The following PPFIA2 variants were observed in gnomAD, a reference collection of about 807,000 sequenced individuals.
PPFIA2 encodes the protein liprin-alpha-2.
In PPFIA2, 46 loss-of-function variants were observed where a neutral mutation model predicts 175.5. The ratio of observed to expected loss-of-function variants is 0.26; its 90% CI spans 0.21 to 0.34. The LOEUF is 0.34. Among genes scored for constraint, PPFIA2 ranks in the 10% least tolerant of loss-of-function variants. The pLI is 1.00. For synonymous variants in PPFIA2, 568 were observed against 511.4 expected, an observed-to-expected ratio of 1.11 and a Z score of -1.49; for missense variants, 1,179 against 1,506.1, an observed-to-expected ratio of 0.78 and a Z score of 3.60.
chr12:81,444,930 A>G (rs2050934238), intron 6 of PPFIA2, among the ~76,000 whole-genome samples: 1 of 152,080 alleles, frequency 6.6e-6, no homozygotes. Flanking sequence ...ATATTGGTTT[A>G]TATATGTCAG....
chr12:81,439,492 T>C (rs1242138384), intron 7 of PPFIA2, among the ~76,000 whole-genome samples: 2 of 151,924 alleles, frequency 1.3e-5, no homozygotes, highest in Non-Finnish European at 2.9e-5. Context: ...TGAAAAAACT[T>C]TTTTGGGGGT....
chr12:81,580,184 G>C (rs961892035), intron 4 of PPFIA2, among the ~76,000 whole-genome samples: 1 of 151,758 alleles, frequency 6.6e-6, no homozygotes, highest in African/African-American at 2.4e-5. Flanking sequence ...TTTTGCATTC[G>C]TGCATGTCAA....
Position 81,642,707 on chromosome 12 carries a change from T to TATATATTATATACATA in PPFIA2, c.303+34083_303+34084insTATGTATATAATATAT. Among the ~76,000 whole-genome samples, 10 of 69,842 alleles carry TATATATTATATACATA rather than the reference T, an allele frequency of 1.4e-4. 1 individual carries two copies. The highest frequency in any genetic ancestry group is 2.1e-4 in the Non-Finnish European group (6 of 28,098). The allele number at this position is 69,842 out of a possible 152,430, so 45.8% of individuals were successfully genotyped here. A position where few individuals can be genotyped will look rare whatever the true frequency, so the allele number is the denominator to read the frequency against. Reference sequence around the variant, plus strand: ...TCTATTATATACATACATGTATATGTATGTATGTATTATATACATACATGT... The same window carrying TATATATTATATACATA: ...TCTATTATATACATACATGTATATGTATATATTATATACATAATGTATGTATTATATACATACATGT... On this transcript the variant is annotated intron_variant, in intron 4 of 32. Coordinates refer to ENST00000549396, the MANE Select transcript of PPFIA2 (RefSeq NM_003625.5).
At chr12:81,366,325 A>C (rs961596629) in intron 14 of PPFIA2, among the ~76,000 whole-genome samples, 1 of 151,662 alleles carries the variant, frequency 6.6e-6, no homozygotes, top group Non-Finnish European at 1.5e-5. Flanking sequence ...CACATACCCT[A>C]CAACAGGAAT....
intron 4 of PPFIA2, among the ~76,000 whole-genome samples, chr12:81,534,834 T>TA (rs1298960482): frequency 1.3e-5 from 2 of 151,656 alleles, no homozygotes; most frequent in Admixed American, 1.3e-4. Flanking sequence ...GTAGTGCTGA[T>TA]ATGCAAATGG....
intron 4 of PPFIA2, among the ~76,000 whole-genome samples, chr12:81,672,328 A>G (rs1336052833): frequency 6.6e-6 from 1 of 151,992 alleles, no homozygotes; most frequent in Non-Finnish European, 1.5e-5. Flanking sequence ...AAACTCTAAG[A>G]CCATTTACAA....
At chr12:81,492,723 T>A (rs967290904) in intron 4 of PPFIA2, among the ~76,000 whole-genome samples, 1 of 152,030 alleles carries the variant, frequency 6.6e-6, no homozygotes, top group Non-Finnish European at 1.5e-5. Flanking sequence ...TGGGCTATTA[T>A]GAGAACTTGG....
intron 4 of PPFIA2, among the ~76,000 whole-genome samples, chr12:81,579,878 C>T (rs892302843): frequency 6.6e-6 from 1 of 151,654 alleles, no homozygotes; most frequent in African/African-American, 2.4e-5. Flanking sequence ...TTCATTTTCT[C>T]CTACATATTT....
chr12:81,289,633 T>C lies in PPFIA2; in HGVS notation c.2925+5202A>G, dbSNP rs532984476. 9.2e-5 allele frequency among the ~76,000 whole-genome samples: 14 copies of C among 151,972 alleles called. 1 individual carries two copies. In the South Asian group the frequency reaches 2.9e-3, roughly 32 times the overall value. On this transcript the variant is annotated intron_variant, in intron 24 of 32. Coordinates refer to ENST00000549396, the MANE Select transcript of PPFIA2 (RefSeq NM_003625.5). ...CATTCAAATGGCTTTTTGAGTTATC[T>C]TGAAGTCGTCACTTTAAAAAGAAAC...
At chr12:81,288,056 A>C (rs1465740000) in intron 24 of PPFIA2, among the ~76,000 whole-genome samples, 2 of 151,842 alleles carry the variant, frequency 1.3e-5, no homozygotes, top group Non-Finnish European at 2.9e-5. Context: ...GAAATTTATA[A>C]AATTTCAATT....
At chr12:81,515,496 T>C (rs2062315987) in intron 4 of PPFIA2, among the ~76,000 whole-genome samples, 1 of 152,074 alleles carries the variant, frequency 6.6e-6, no homozygotes, top group Non-Finnish European at 1.5e-5. Flanking sequence ...ATTTTAGCTT[T>C]ATCATCAATT....
chr12:81,546,802 T>TA (rs1477830287), intron 4 of PPFIA2, among the ~76,000 whole-genome samples: 1 of 152,116 alleles, frequency 6.6e-6, no homozygotes, highest in Non-Finnish European at 1.5e-5. Context: ...TCATGTTTTT[T>TA]ATGTGTTTAG....
At chr12:81,627,612 T>C (rs1282572998) in intron 4 of PPFIA2, among the ~76,000 whole-genome samples, 1 of 152,138 alleles carries the variant, frequency 6.6e-6, no homozygotes, top group Non-Finnish European at 1.5e-5. Flanking sequence ...ATGTAGACAT[T>C]AATTTGTCTC....
chr12:81,320,827 C>T (rs2053501192), intron 22 of PPFIA2, among the ~76,000 whole-genome samples: 1 of 151,990 alleles, frequency 6.6e-6, no homozygotes, highest in Admixed American at 6.6e-5. Context: ...ACTGTTGAAA[C>T]AGACATCCTC....
intron 4 of PPFIA2, among the ~76,000 whole-genome samples, chr12:81,567,411 G>T (rs912963939): frequency 2.6e-5 from 4 of 152,096 alleles, no homozygotes; most frequent in African/African-American, 4.8e-5. Flanking sequence ...ACCTGATTTT[G>T]TGCTAATAAA....
intron 4 of PPFIA2, among the ~76,000 whole-genome samples, chr12:81,579,025 T>C (rs144874467): frequency 6.2e-4 from 94 of 151,944 alleles, no homozygotes; most frequent in Non-Finnish European, 7.4e-4. Flanking sequence ...AGATTGCCAA[T>C]TTTCTTCTAA....
chr12:81,345,779 C>A (rs780872771), intron 18 of PPFIA2, among the ~76,000 whole-genome samples: 4 of 152,126 alleles, frequency 2.6e-5, no homozygotes, highest in African/African-American at 4.8e-5. Context: ...AGAAACTAAG[C>A]AAGAGACAAT....
intron 3 of PPFIA2, among the ~76,000 whole-genome samples, chr12:81,692,694 A>G (rs1406739604): frequency 6.6e-6 from 1 of 152,148 alleles, no homozygotes; most frequent in African/African-American, 2.4e-5. Flanking sequence ...ATGATCATTC[A>G]ATTGATTGAT....
intron 4 of PPFIA2, among the ~76,000 whole-genome samples, chr12:81,628,368 T>C (rs976004957): frequency 6.8e-6 from 1 of 146,368 alleles, no homozygotes; most frequent in Non-Finnish European, 1.5e-5. Context: ...CAATCCACTT[T>C]CTTTTACCTT....
Sources: allele counts gnomAD v4.1 joint callset (sites outside exome capture counted in the v4.1 genomes callset), GRCh38; gene constraint gnomAD v4.1.1; transcripts MANE v1.5; gene names NCBI Gene and HGNC (gene_info 2026-07-23, HGNC 2026-07-21).